PCDH7: variants seen among roughly 807,000 people sequenced by gnomAD.
PCDH7 encodes protocadherin-7.
In PCDH7, 17 loss-of-function variants were observed where a neutral mutation model predicts 58.9. The observed-to-expected ratio is 0.29, with a 90% confidence interval of 0.20 to 0.43. The LOEUF (loss-of-function observed/expected upper bound fraction) is 0.43, where lower values mean the gene tolerates loss of function less well. Ranked by LOEUF, PCDH7 falls within the 20% of genes least tolerant of loss-of-function variation. The probability of loss-of-function intolerance (pLI) is 1.00; values close to 1 mark genes in which losing one functional copy is unlikely to be tolerated. For missense variants in PCDH7, 1,274 were observed against 1,441.0 expected (o/e 0.88, Z 1.88); for synonymous variants, 664 against 616.4 (o/e 1.08, Z -1.14).
intron 1 of PCDH7, among the ~76,000 whole-genome samples, chr4:30,832,983 G>A (rs994668871): frequency 6.6e-6 from 1 of 152,140 alleles, no homozygotes; most frequent in Non-Finnish European, 1.5e-5. Flanking sequence ...GTGGAAGCCT[G>A]TTTGGAATCC....
At chr4:31,007,442 T>C (rs1752856364) in intron 3 of PCDH7, among the ~76,000 whole-genome samples, 1 of 152,226 alleles carries the variant, frequency 6.6e-6, no homozygotes, top group East Asian at 1.9e-4. Context: ...TGTCAATTGT[T>C]CGCATTGCAA....
intron 2 of PCDH7, among the ~76,000 whole-genome samples, chr4:30,935,699 G>C (rs1283470309): frequency 6.6e-6 from 1 of 152,090 alleles, no homozygotes; most frequent in Non-Finnish European, 1.5e-5. Flanking sequence ...CAAATATTCA[G>C]AGCAGTGAGC....
chr4:31,058,892 G>C (rs1294283930), intron 3 of PCDH7, among the ~76,000 whole-genome samples: 1 of 151,946 alleles, frequency 6.6e-6, no homozygotes, highest in Non-Finnish European at 1.5e-5. Context: ...ACACAGAATT[G>C]TGAAGCTATT....
chr4:30,899,356 T>C (rs1739892436), intron 1 of PCDH7, among the ~76,000 whole-genome samples: 1 of 152,194 alleles, frequency 6.6e-6, no homozygotes, highest in Admixed American at 6.5e-5. Context: ...GACATGAATA[T>C]TTTGTGTATC....
intron 1 of PCDH7, among the ~76,000 whole-genome samples, chr4:30,776,560 C>T (rs186165039): frequency 6.6e-6 from 1 of 152,264 alleles, no homozygotes; most frequent in East Asian, 1.9e-4. Flanking sequence ...TGAAGTAAAT[C>T]AAGTATATCT....
intron 1 of PCDH7, among the ~76,000 whole-genome samples, chr4:30,824,101 T>G (rs1385375679): frequency 1.6e-5 from 2 of 128,658 alleles, no homozygotes; most frequent in Non-Finnish European, 3.3e-5. Context: ...CTTTCTTTCT[T>G]TCTTTCTTTC....
intron 3 of PCDH7, among the ~76,000 whole-genome samples, chr4:30,964,253 T>TATTTATTTA (rs1450697363): frequency 6.1e-5 from 9 of 147,512 alleles, no homozygotes; most frequent in African/African-American, 1.8e-4. Flanking sequence ...TTTATTTATT[T>TATTTATTTA]TTTTTTGAGA....
chr4:30,934,439 T>TAGAGATTTTCCATGAAACAAATA (rs879502554), intron 2 of PCDH7, among the ~76,000 whole-genome samples: 1 of 152,164 alleles, frequency 6.6e-6, no homozygotes, highest in African/African-American at 2.4e-5. Flanking sequence ...AAATACATTA[T>TAGAGATTTTCCATGAAACAAATA]TACTCTTCTT....
intron 1 of PCDH7, among the ~76,000 whole-genome samples, chr4:30,867,651 C>T (rs1735039858): frequency 6.6e-6 from 1 of 151,984 alleles, no homozygotes; most frequent in Non-Finnish European, 1.5e-5. Flanking sequence ...TAGGAGCCCA[C>T]AGAAGGTTTG....
chr4:31,083,583 A>G (rs1188549690), intron 3 of PCDH7, among the ~76,000 whole-genome samples: 1 of 152,186 alleles, frequency 6.6e-6, no homozygotes, highest in Non-Finnish European at 1.5e-5. Flanking sequence ...CCAAATTTTA[A>G]AGGATTACGT....
intron 3 of PCDH7, among the ~76,000 whole-genome samples, chr4:31,007,586 GT>G (rs763499360): frequency 0.041 from 5,811 of 142,318 alleles, 340 homozygotes; most frequent in African/African-American, 0.13. Flanking sequence ...TGGTTTTATG[GT>G]TTTTTTTTTT....
chr4:31,048,163 T>C (rs1396336177), intron 3 of PCDH7, among the ~76,000 whole-genome samples: 1 of 152,054 alleles, frequency 6.6e-6, no homozygotes, highest in Non-Finnish European at 1.5e-5. Flanking sequence ...TCAGAAAATA[T>C]GTAAAATAAA....
At chr4:30,975,293 GA>G (rs35002546) in intron 3 of PCDH7, among the ~76,000 whole-genome samples, 1 of 151,940 alleles carries the variant, frequency 6.6e-6, no homozygotes, top group East Asian at 1.9e-4. Flanking sequence ...GAAAAGCCAT[GA>G]AAAATATTTT....
At chr4:30,893,246 A>C (rs1738852801) in intron 1 of PCDH7, among the ~76,000 whole-genome samples, 1 of 152,122 alleles carries the variant, frequency 6.6e-6, no homozygotes, top group South Asian at 2.1e-4. Context: ...CGTTAAAATA[A>C]GATACTATTT....
chr4:30,954,449 T>G (rs941303229), intron 3 of PCDH7, among the ~76,000 whole-genome samples: 9 of 152,154 alleles, frequency 5.9e-5, no homozygotes, highest in Non-Finnish European at 1.2e-4. Flanking sequence ...CTTTGTACAT[T>G]GTATGAATAT....
At chr4:31,132,677 T>C (rs1252310656) in intron 3 of PCDH7, among the ~76,000 whole-genome samples, 1 of 152,176 alleles carries the variant, frequency 6.6e-6, no homozygotes, top group Non-Finnish European at 1.5e-5. Flanking sequence ...ATTATCATTG[T>C]AAAGTAGCTA....
chr4:30,737,624 G>T (rs1716485617), downstream of PCDH7, among the ~76,000 whole-genome samples: 1 of 152,100 alleles, frequency 6.6e-6, no homozygotes, highest in Admixed American at 6.6e-5. Context: ...TGTCTTCAAA[G>T]TTACAATAAT....
At chr4:31,055,407 A>G (rs549190119) in intron 3 of PCDH7, among the ~76,000 whole-genome samples, 7 of 152,134 alleles carry the variant, frequency 4.6e-5, no homozygotes, top group Non-Finnish European at 7.3e-5. Context: ...TTTGGCATCT[A>G]CAAAAGCTTT....
At chr4:30,983,033 C>T (rs191928824) in intron 3 of PCDH7, among the ~76,000 whole-genome samples, 2 of 152,240 alleles carry the variant, frequency 1.3e-5, no homozygotes, top group Non-Finnish European at 2.9e-5. Flanking sequence ...GATAACATGC[C>T]TCTACTCTTA....
Sources: gnomAD v4.1 joint callset for allele counts (sites outside exome capture counted in the v4.1 genomes callset) on GRCh38, gnomAD v4.1.1 for gene constraint, MANE v1.5 for transcripts, NCBI Gene and HGNC (gene_info 2026-07-23, HGNC 2026-07-21) for gene names.